The following ETF1 variants were observed in gnomAD, a reference collection of about 807,000 sequenced individuals.
ETF1 encodes the protein eukaryotic translation termination factor 1, also known as eukaryotic peptide chain release factor subunit 1.
In ETF1, 4 loss-of-function variants were observed where a neutral mutation model predicts 55.1. That is an observed-to-expected ratio of 0.07 (90% CI 0.04 to 0.17). ETF1 has a LOEUF of 0.17. ETF1 is among the 10% of genes least tolerant of loss of function. ETF1 has a pLI of 1.00. For missense variants in ETF1, 142 were observed against 523.6 expected (o/e 0.27, Z 7.11); for synonymous variants, 157 against 182.3 (o/e 0.86, Z 1.12).
chr5:138,524,597 G>C (rs1300085496), intron 2 of ETF1, among the ~76,000 whole-genome samples: 1 of 51,724 alleles, frequency 1.9e-5, no homozygotes, highest in Non-Finnish European at 3.8e-5. Flanking sequence ...TTTTTTTTTT[G>C]AGACAGAGTC....
intron 2 of ETF1, among the ~76,000 whole-genome samples, chr5:138,525,100 T>C (rs2127100330): frequency 6.6e-6 from 1 of 152,238 alleles, no homozygotes; most frequent in African/African-American, 2.4e-5. Context: ...TTTGTGTTTT[T>C]ACTAAATTAT....
At chr5:138,537,896 T>TTA (rs1224651869) in intron 2 of ETF1, among the ~76,000 whole-genome samples, 1 of 137,356 alleles carries the variant, frequency 7.3e-6, no homozygotes, top group East Asian at 2.1e-4. Context: ...ATTATTATTA[T>TTA]TTTTTTTTTT....
At chr5:138,519,401 C>A (rs1048499421) in intron 2 of ETF1, among the ~76,000 whole-genome samples, 1 of 151,928 alleles carries the variant, frequency 6.6e-6, no homozygotes, top group Non-Finnish European at 1.5e-5. Flanking sequence ...CGATGGCTCA[C>A]GCTTATAATC....
In ETF1 at chr5:138,517,597, C is replaced by T. The variant is rs149538200; in HGVS notation, c.366G>A (p.Thr122=). The T allele has an allele frequency of 2.1e-5, 33 of 1,593,586 alleles. No individual in the cohort carries two copies. The highest frequency in any genetic ancestry group is 1.5e-4 in the African/African-American group (11 of 74,346). Residue 122 remains threonine, a synonymous_variant, in exon 4 of 11, where the codon ACG becomes ACA. Transcript: ENST00000360541. ...ATTTGTTGTCACACAAATACAATGA[C>T]GTATTAATTGGTTTGAAAGGTTCAA... The part of the protein sequence containing the change: ...IDFEPFKPIN[T]SLYLCDNKFH...
intron 2 of ETF1, chr5:138,541,649 GA>G: frequency 5.9e-6 from 9 of 1,513,168 alleles, no homozygotes; most frequent in Non-Finnish European, 7.9e-6. Flanking sequence ...CTGGAAACCA[GA>G]ATGTCAAATT....
intron 2 of ETF1, among the ~76,000 whole-genome samples, chr5:138,538,822 A>T (rs1426853548): frequency 1.3e-5 from 2 of 152,228 alleles, no homozygotes; most frequent in East Asian, 1.9e-4. Context: ...TAAATTAAGC[A>T]ATCTGTTCAT....
intron 2 of ETF1, among the ~76,000 whole-genome samples, chr5:138,535,188 G>A (rs1483329095): frequency 6.6e-6 from 1 of 151,820 alleles, no homozygotes; most frequent in African/African-American, 2.4e-5. Context: ...TTACCTCAGT[G>A]ATCTACCTGC....
intron 2 of ETF1, among the ~76,000 whole-genome samples, chr5:138,522,884 T>C (rs1014206789): frequency 4.6e-5 from 7 of 152,062 alleles, no homozygotes; most frequent in Non-Finnish European, 1.0e-4. Flanking sequence ...CAGGCGCCTG[T>C]AGTCTCAGCT....
rs1204157547 is a variant in ETF1 at position 138,538,110 on chromosome 5, A to T, written c.86+4723T>A. On this transcript the variant is annotated intron_variant, in intron 2 of 10. Coordinates refer to ENST00000360541, the MANE Select transcript of ETF1 (RefSeq NM_004730.4). The stretch of plus-strand genomic sequence containing the variant: ...TCTCCATGTTGGTCAGGCTGGTCTC[A>T]AACTCCTGACCTCAGGTGATCCACC... Among the ~76,000 whole-genome samples, 27 of 145,862 alleles carry T rather than the reference A, an allele frequency of 1.9e-4. 2 individuals are homozygous for T. The highest frequency in any genetic ancestry group is 6.5e-4 in the African/African-American group (25 of 38,274).
intron 2 of ETF1, among the ~76,000 whole-genome samples, chr5:138,534,478 C>T (rs1205024881): frequency 6.6e-6 from 1 of 152,236 alleles, no homozygotes; most frequent in East Asian, 1.9e-4. Context: ...TTCTAATATA[C>T]GAATGAGCTC....
Position 138,512,958 on chromosome 5 carries a change from T to C in ETF1, c.542-4A>G. On this transcript the variant is annotated splice_polypyrimidine_tract_variant and splice_region_variant and intron_variant, in intron 5 of 10. Coordinates refer to ENST00000360541, the MANE Select transcript of ETF1 (RefSeq NM_004730.4). Reference sequence around the variant, plus strand: ...AAGGCTGACTGACCTCCTCTACCTTTGACACAAAAGTAGCAAGAGAAAAAG... The same window carrying C: ...AAGGCTGACTGACCTCCTCTACCTTCGACACAAAAGTAGCAAGAGAAAAAG... 1 of 1,505,238 alleles carries C rather than the reference T, an allele frequency of 6.6e-7. No individual in the cohort carries two copies. Among genetic ancestry groups the C allele is most frequent in the Non-Finnish European group, 8.8e-7 (1 of 1,134,758 alleles). The allele number at this position is 1,505,238 out of a possible 1,614,324, so 93.2% of individuals were successfully genotyped here.
rs574775744 is a variant in ETF1 at position 138,507,213 on chromosome 5, G to T, written c.*1092C>A. ...CTAATTTCTCATGTGAGAAGTGCTT[G>T]TAAGTCCCACATTTGAAACAGATGC... On this transcript the variant is annotated 3_prime_UTR_variant, in exon 11 of 11. Transcript: ENST00000360541. 1.5e-5 allele frequency: 2 copies of T among 133,188 alleles called. No homozygotes were observed. The highest frequency in any genetic ancestry group is 2.8e-5 in the African/African-American group (1 of 35,702). The allele number at this position is 133,188 out of a possible 1,614,324, so 8.3% of individuals were successfully genotyped here.
chr5:138,542,902 C>T lies in ETF1; in HGVS notation c.17G>A (p.Ser6Asn). 3.7e-6 allele frequency: 6 copies of T among 1,613,750 alleles called. No individual in the cohort carries two copies. The highest frequency in any genetic ancestry group is 5.1e-6 in the Non-Finnish European group (6 of 1,179,914). Residue 6 changes from serine to asparagine, a missense_variant, in exon 2 of 11, where the codon AGT (serine) becomes AAT (asparagine). Physicochemically the swap from Ser to Asn is conservative, Grantham distance 46. Around this residue, in one of 5 missense-constraint regions of ETF1, gnomAD observed 13 missense variants for 16.9 expected, o/e 0.77. Coordinates refer to ENST00000360541, the MANE Select transcript of ETF1 (RefSeq NM_004730.4). Reference sequence around the variant, plus strand: ...GATCTCCACGTTCCTGTCGGCAGCACTGGGGTCGTCCGCCATCTTCTCGCC... The same window carrying T: ...GATCTCCACGTTCCTGTCGGCAGCATTGGGGTCGTCCGCCATCTTCTCGCC... Reference protein sequence around the residue: MADDPSAADRNVEIWK... With the variant: MADDPNAADRNVEIWK...
chr5:138,535,804 G>C (rs1420933907), intron 2 of ETF1, among the ~76,000 whole-genome samples: 1 of 148,020 alleles, frequency 6.8e-6, no homozygotes, highest in Non-Finnish European at 1.5e-5. Context: ...GAACCTGGGA[G>C]GTGGAGGTTG....
intron 6 of ETF1, among the ~76,000 whole-genome samples, chr5:138,512,223 A>AAAAAT (rs1764821867): frequency 5.5e-5 from 1 of 18,140 alleles, no homozygotes; most frequent in Non-Finnish European, 9.5e-5. Flanking sequence ...AAAAAAAAAA[A>AAAAAT]AAATATATAT....
intron 2 of ETF1, among the ~76,000 whole-genome samples, chr5:138,526,013 G>C (rs1377098530): frequency 3.3e-5 from 5 of 151,244 alleles, no homozygotes; most frequent in Non-Finnish European, 1.5e-5. Flanking sequence ...TCACGAGACT[G>C]TAAGAAAGTT....
intron 2 of ETF1, among the ~76,000 whole-genome samples, chr5:138,520,392 A>G (rs974337359): frequency 3.9e-5 from 6 of 152,208 alleles, no homozygotes; most frequent in African/African-American, 7.2e-5. Flanking sequence ...GTCCCTTCTG[A>G]GCAGTTACCA....
intron 3 of ETF1, chr5:138,517,969 A>G: frequency 2.7e-6 from 2 of 733,990 alleles, no homozygotes; most frequent in Non-Finnish European, 3.3e-6. Context: ...TGGGAGGCCG[A>G]GGTAGGCGGA....
At chr5:138,540,877 C>G (rs998121160) in intron 2 of ETF1, among the ~76,000 whole-genome samples, 2 of 152,116 alleles carry the variant, frequency 1.3e-5, no homozygotes, top group Non-Finnish European at 2.9e-5. Context: ...ATGGGTAGAA[C>G]AAATTTAAGA....
Sources: allele counts gnomAD v4.1 joint callset (sites outside exome capture counted in the v4.1 genomes callset), GRCh38; gene constraint gnomAD v4.1.1; regional missense constraint gnomAD v4.1.1; transcripts MANE v1.5; gene names NCBI Gene and HGNC (gene_info 2026-07-23, HGNC 2026-07-21).